SLC25A17: variants seen among roughly 807,000 people sequenced by gnomAD.
SLC25A17 encodes peroxisomal membrane protein PMP34.
SLC25A17 carries 26 observed loss-of-function variants against 38.5 expected under a neutral mutation model. The ratio of observed to expected loss-of-function variants is 0.68; its 90% CI spans 0.50 to 0.94. SLC25A17 has a LOEUF of 0.94. SLC25A17 is among the 40% of genes least tolerant of loss of function. The pLI, the probability that SLC25A17 is intolerant of heterozygous loss-of-function variation, is 0.00. For synonymous variants in SLC25A17, 139 were observed against 136.2 expected, an observed-to-expected ratio of 1.02 and a Z score of -0.14; for missense variants, 333 against 372.7, an observed-to-expected ratio of 0.89 and a Z score of 0.88.
In SLC25A17 at chr22:40,792,629, C is replaced by A; in HGVS notation, c.230G>T (p.Cys77Phe). The A allele has an allele frequency of 1.2e-6, 2 of 1,614,016 alleles. No individual in the cohort carries two copies. Among genetic ancestry groups the A allele is most frequent in the Admixed American group, 1.7e-5 (1 of 60,014 alleles). Residue 77 changes from cysteine (C) to phenylalanine (F), a missense_variant, in exon 4 of 9, where the codon TGC (cysteine) becomes TTC (phenylalanine). Cys to Phe is a radical substitution (Grantham distance 205, BLOSUM62 -2). Transcript: ENST00000435456. ...AGTGTAGAAATAGACAAAATTGGAG[C>A]AGCAGAGACTGGAAATCACTGGAAA... ...GWFPVISSLC[C>F]SNFVYFYTFN...
At position 40,811,532 on chromosome 22, in the gene SLC25A17, T is replaced by C. The variant is rs138649634; in HGVS notation, c.54+7663A>G. ...GCAACCTTGGCTTCCCAGACTCAAG[T>C]GATTCTCCAGCCTCAGACTCCTGAG... On this transcript the variant is annotated intron_variant, in intron 1 of 8. Transcript: ENST00000435456. 3.6e-3 allele frequency among the ~76,000 whole-genome samples: 546 copies of C among 151,984 alleles called. 5 individuals are homozygous for C. The highest frequency in any genetic ancestry group is 0.013 in the African/African-American group (526 of 41,456).
At chr22:40,786,794 GAGA>G (rs1449271991) in intron 4 of SLC25A17, among the ~76,000 whole-genome samples, 1 of 152,220 alleles carries the variant, frequency 6.6e-6, no homozygotes, top group Non-Finnish European at 1.5e-5. Flanking sequence ...TGGGGTCAGA[GAGA>G]AGAAGATATA....
At chr22:40,807,352 G>C (rs1395516597) in intron 1 of SLC25A17, among the ~76,000 whole-genome samples, 1 of 152,118 alleles carries the variant, frequency 6.6e-6, no homozygotes, top group African/African-American at 2.4e-5. Flanking sequence ...TTTTCCTAAA[G>C]TCAGACAGCT....
Position 40,777,319 on chromosome 22 carries a change from G to A in SLC25A17, c.506C>T (p.Thr169Ile). ...DEGISALWNG[T>I]FPSLLLVFNP... is the part of the protein sequence containing the mutation. The stretch of plus-strand genomic sequence containing the variant: ...GAAGACCAACAGCAATGAGGGAAAT[G>A]TGCCATTCCATAAAGCCGAGATTCC... The change falls in exon 6 of 9, where the codon ACA becomes ATA. Residue 169 changes from threonine to isoleucine, a missense_variant. Thr to Ile is a moderately conservative substitution (Grantham distance 89). Transcript: ENST00000435456. 1 of 1,614,168 alleles carries A rather than the reference G, an allele frequency of 6.2e-7. No individual in the cohort carries two copies. The highest frequency in any genetic ancestry group is 8.5e-7 in the Non-Finnish European group (1 of 1,180,012).
intron 4 of SLC25A17, 140 bp from the exon 5 acceptor site, chr22:40,779,265 G>T: frequency 2.6e-6 from 4 of 1,520,560 alleles, no homozygotes; most frequent in Non-Finnish European, 2.6e-6. Context: ...GTGTCTCTTT[G>T]TGCCAGGGTA....
At chr22:40,772,159 A>C (rs1325926026) in intron 8 of SLC25A17, among the ~76,000 whole-genome samples, 2 of 152,196 alleles carry the variant, frequency 1.3e-5, no homozygotes, top group African/African-American at 4.8e-5. Context: ...TTTTAAAGAA[A>C]ATGCCAAATT....
At chr22:40,777,786 A>C (rs368512353) in intron 5 of SLC25A17, among the ~76,000 whole-genome samples, 42 of 151,900 alleles carry the variant, frequency 2.8e-4, no homozygotes, top group African/African-American at 8.9e-4. Context: ...CATTTCCAAA[A>C]AAAAAAAAAA....
intron 5 of SLC25A17, 115 bp from the exon 6 acceptor site, chr22:40,777,488 G>T: frequency 8.1e-7 from 1 of 1,241,348 alleles, no homozygotes. Flanking sequence ...GTTCTATAAA[G>T]ATTTCCTTCT....
intron 1 of SLC25A17, among the ~76,000 whole-genome samples, chr22:40,809,570 T>G (rs1173753319): frequency 6.6e-6 from 1 of 151,972 alleles, no homozygotes; most frequent in African/African-American, 2.4e-5. Context: ...CTGTTGGGGC[T>G]ACAGTAAGCT....
intron 7 of SLC25A17, 126 bp downstream of exon 7, chr22:40,776,914 A>AG (rs1458601723): frequency 2.5e-6 from 2 of 813,906 alleles, no homozygotes. Context: ...AAGAAAAAAA[A>AG]CAGATAGGGA....
chr22:40,772,595 G>T (rs1420100542), intron 8 of SLC25A17, among the ~76,000 whole-genome samples: 1 of 151,760 alleles, frequency 6.6e-6, no homozygotes, highest in Non-Finnish European at 1.5e-5. Context: ...GAGCCACCAC[G>T]CCCAGCCTAA....
At chr22:40,815,207 A>T (rs1325951982) in intron 1 of SLC25A17, among the ~76,000 whole-genome samples, 2 of 152,138 alleles carry the variant, frequency 1.3e-5, no homozygotes, top group African/African-American at 2.4e-5. Flanking sequence ...AGATTGGTAT[A>T]GTTTTCTGAT....
At position 40,802,092 on chromosome 22, in the gene SLC25A17, G is replaced by A. The variant is rs1032566956; in HGVS notation, c.55-3009C>T. On this transcript the variant is annotated intron_variant, in intron 1 of 8. Transcript: ENST00000435456. ...CAGGCGTGAGCCACCGTGCCTGGCCGGTACTGCATTTCTTTGAAGGGTACT... is the reference window on the plus strand; with the variant it reads ...CAGGCGTGAGCCACCGTGCCTGGCCAGTACTGCATTTCTTTGAAGGGTACT... Among the ~76,000 whole-genome samples, 5 of 151,818 alleles carry A rather than the reference G, an allele frequency of 3.3e-5. No individual in the cohort carries two copies. The South Asian group carries it at 6.3e-4, about 19-fold the overall frequency.
chr22:40,816,895 G>A (rs2057646794), intron 1 of SLC25A17, among the ~76,000 whole-genome samples: 1 of 151,850 alleles, frequency 6.6e-6, no homozygotes, highest in Non-Finnish European at 1.5e-5. Flanking sequence ...ACAGGCGTGA[G>A]CCACCGCACC....
chr22:40,803,277 A>G (rs1602619976), intron 1 of SLC25A17, among the ~76,000 whole-genome samples: 1 of 152,240 alleles, frequency 6.6e-6, no homozygotes, highest in East Asian at 1.9e-4. Context: ...GAAACTTTGT[A>G]CCCTTTAACT....
At chr22:40,775,624 C>T (rs915922632) in intron 7 of SLC25A17, among the ~76,000 whole-genome samples, 2 of 150,786 alleles carry the variant, frequency 1.3e-5, no homozygotes, top group African/African-American at 2.4e-5. Flanking sequence ...CCACCGCGCC[C>T]GGCTAATTTT....
At chr22:40,813,112 G>T (rs2057599591) in intron 1 of SLC25A17, among the ~76,000 whole-genome samples, 1 of 152,118 alleles carries the variant, frequency 6.6e-6, no homozygotes, top group Non-Finnish European at 1.5e-5. Flanking sequence ...AGTGTTTAGG[G>T]ATAAAATATA....
chr22:40,801,313 C>T (rs140825390), intron 1 of SLC25A17, among the ~76,000 whole-genome samples: 190 of 151,828 alleles, frequency 1.3e-3, no homozygotes, highest in Admixed American at 3.5e-3. Context: ...TACCTCTCCC[C>T]GCCTATCAGC....
In SLC25A17 at chr22:40,792,648, C is replaced by T; in HGVS notation, c.211G>A (p.Val71Met). Residue 71 changes from valine (V) to methionine (M), a missense_variant, in exon 4 of 9, where the codon GTG (valine) becomes ATG (methionine). Physicochemically the swap from Val to Met is conservative, Grantham distance 21. Transcript: ENST00000435456. ...LLAPYRGWFP[V>M]ISSLCCSNFV... ...TTGGAGCAGCAGAGACTGGAAATCA[C>T]TGGAAACCACCCTCGATATGGTGCC... 1 of 1,614,100 alleles carries T rather than the reference C, an allele frequency of 6.2e-7. No individual in the cohort carries two copies. The highest frequency in any genetic ancestry group is 8.5e-7 in the Non-Finnish European group (1 of 1,179,984).
Sources: gnomAD v4.1 joint callset for allele counts (sites outside exome capture counted in the v4.1 genomes callset) on GRCh38, gnomAD v4.1.1 for gene constraint, MANE v1.5 for transcripts, NCBI Gene and HGNC (gene_info 2026-07-23, HGNC 2026-07-21) for gene names.